MCU: variants seen among roughly 807,000 people sequenced by gnomAD.
MCU encodes calcium uniporter protein, mitochondrial.
Under a neutral mutation model 45.2 loss-of-function variants are expected in MCU, and 12 were observed. The observed-to-expected ratio is 0.27, with a 90% confidence interval of 0.17 to 0.43. MCU has a LOEUF of 0.43. MCU is among the 20% of genes least tolerant of loss of function. The pLI, the probability that MCU is intolerant of heterozygous loss-of-function variation, is 1.00. For missense variants in MCU, 324 were observed against 436.7 expected (o/e 0.74, Z 2.30); for synonymous variants, 160 against 165.1 (o/e 0.97, Z 0.24).
intron 1 of MCU, among the ~76,000 whole-genome samples, chr10:72,806,214 ATGGCACTATCT>A (rs975979624): frequency 2.0e-5 from 3 of 148,284 alleles, no homozygotes; most frequent in African/African-American, 7.5e-5. Context: ...CTGGAGTGCA[ATGGCACTATCT>A]TGGCTCACCG....
At chr10:72,750,719 C>A (rs1843482112) in intron 1 of MCU, among the ~76,000 whole-genome samples, 1 of 152,202 alleles carries the variant, frequency 6.6e-6, no homozygotes, top group South Asian at 2.1e-4. Context: ...ACCACCTTCA[C>A]AATCAGAATG....
intron 1 of MCU, among the ~76,000 whole-genome samples, chr10:72,806,277 C>T (rs1305760414): frequency 2.0e-5 from 3 of 151,124 alleles, no homozygotes; most frequent in Admixed American, 1.3e-4. Flanking sequence ...CCTGCCTCAT[C>T]CTCCCAAGTA....
At chr10:72,861,837 G>A in intron 4 of MCU, 1 of 288,894 alleles carries the variant, frequency 3.5e-6, no homozygotes, top group South Asian at 2.8e-5. Flanking sequence ...AAAAACCAGA[G>A]TTAATGCAAA....
At chr10:72,698,971 T>G (rs979537949) in intron 1 of MCU, among the ~76,000 whole-genome samples, 1 of 152,168 alleles carries the variant, frequency 6.6e-6, no homozygotes, top group South Asian at 2.1e-4. Context: ...ACTGGGCTAA[T>G]TTTTAAATTT....
intron 1 of MCU, among the ~76,000 whole-genome samples, chr10:72,716,484 C>A (rs1190835864): frequency 6.6e-6 from 1 of 152,116 alleles, no homozygotes; most frequent in East Asian, 1.9e-4. Context: ...TTCATTTATT[C>A]TCTGTCTTTC....
intron 6 of MCU, among the ~76,000 whole-genome samples, chr10:72,883,278 GA>G (rs1845733249): frequency 6.6e-6 from 1 of 152,112 alleles, no homozygotes; most frequent in Non-Finnish European, 1.5e-5. Context: ...TTGGGGTGAT[GA>G]AAATGTTCTA....
intron 1 of MCU, chr10:72,715,094 T>A: frequency 1.1e-6 from 1 of 894,068 alleles, no homozygotes; most frequent in African/African-American, 1.8e-5. Context: ...TTACTTTACT[T>A]TTTTCTATTC....
In MCU at chr10:72,760,304, G is replaced by A. The variant is rs1186049666; in HGVS notation, c.150+68003G>A. On this transcript the variant is annotated intron_variant, in intron 1 of 7. Transcript: ENST00000373053. ...GGGCTCAAGCGATCCTCCCATCTCA[G>A]CCTCTCAAAGTATGGGGATTACAGG... Among the ~76,000 whole-genome samples, 9 of 152,006 alleles carry A rather than the reference G, an allele frequency of 5.9e-5. 1 individual carries two copies. The South Asian group carries it at 6.2e-4, about 11-fold the overall frequency.
At chr10:72,787,723 T>A (rs1385765615) in intron 1 of MCU, among the ~76,000 whole-genome samples, 1 of 151,940 alleles carries the variant, frequency 6.6e-6, no homozygotes, top group Non-Finnish European at 1.5e-5. Context: ...TTTTTTGTTT[T>A]TTGTTTTTTT....
At chr10:72,828,584 C>A (rs1653390528) in intron 1 of MCU, among the ~76,000 whole-genome samples, 4 of 152,020 alleles carry the variant, frequency 2.6e-5, no homozygotes, top group African/African-American at 9.7e-5. Context: ...ATTTGACAAT[C>A]CTCCCAAGTT....
chr10:72,729,792 G>C (rs934860166), intron 1 of MCU, among the ~76,000 whole-genome samples: 15 of 151,990 alleles, frequency 9.9e-5, no homozygotes, highest in African/African-American at 2.9e-4. Context: ...AGGCTCTCTC[G>C]TGCATTGTAA....
At chr10:72,705,991 A>AT (rs1167296661) in intron 1 of MCU, among the ~76,000 whole-genome samples, 2 of 152,096 alleles carry the variant, frequency 1.3e-5, no homozygotes, top group African/African-American at 4.8e-5. Context: ...TCAAAAAAAA[A>AT]GGGGGTATAT....
At chr10:72,839,469 A>G (rs1455810375) in intron 2 of MCU, among the ~76,000 whole-genome samples, 1 of 152,092 alleles carries the variant, frequency 6.6e-6, no homozygotes, top group Non-Finnish European at 1.5e-5. Context: ...GACTCATACA[A>G]TATGTAGTCT....
chr10:72,839,872 G>C lies in MCU; in HGVS notation c.220+5444G>C, dbSNP rs576147326. 2.5e-3 allele frequency among the ~76,000 whole-genome samples: 375 copies of C among 151,616 alleles called. 2 individuals are homozygous for C. The highest frequency in any genetic ancestry group is 8.8e-3 in the African/African-American group (363 of 41,360). On this transcript the variant is annotated intron_variant, in intron 2 of 7. Transcript: ENST00000373053. The stretch of plus-strand genomic sequence containing the variant: ...CCAACTACTCAGGAGGCTGAGGCTG[G>C]GGAATGGCGTGAACCCAGGAGGCGG...
chr10:72,865,933 T>C (rs1049350587), intron 4 of MCU, among the ~76,000 whole-genome samples: 20 of 151,764 alleles, frequency 1.3e-4, no homozygotes, highest in Admixed American at 6.6e-4. Context: ...CCTGCCACCA[T>C]GCCTGGCTAA....
chr10:72,849,295 A>T (rs2132854802), intron 2 of MCU, among the ~76,000 whole-genome samples: 1 of 141,182 alleles, frequency 7.1e-6, no homozygotes, highest in Non-Finnish European at 1.6e-5. Flanking sequence ...AAAAAAAAAA[A>T]TCGAATGAAA....
At chr10:72,881,663 A>C (rs928091356) in intron 6 of MCU, among the ~76,000 whole-genome samples, 3 of 152,222 alleles carry the variant, frequency 2.0e-5, no homozygotes, top group Non-Finnish European at 2.9e-5. Context: ...AAATTCTACA[A>C]ATCAGTAAGA....
chr10:72,692,952 C>T, intron 1 of MCU: 20 of 1,531,424 alleles, frequency 1.3e-5, no homozygotes, highest in Admixed American at 4.0e-5. Flanking sequence ...CAAGCTTCAT[C>T]CTCTTGGGTC....
At position 72,693,353 on chromosome 10, in the gene MCU, A is replaced by G. The variant is rs555703585; in HGVS notation, c.150+1052A>G. Among the ~76,000 whole-genome samples the G allele has an allele frequency of 7.2e-5, 11 of 152,304 alleles. 1 individual carries two copies. In the South Asian group the frequency reaches 2.3e-3, roughly 32 times the overall value. Reference sequence around the variant, plus strand: ...TGGTCTCTGGCCAGCTCTGAGGGAAAGAATGTAGGTTTTATTTGCTGGGGC... The same window carrying G: ...TGGTCTCTGGCCAGCTCTGAGGGAAGGAATGTAGGTTTTATTTGCTGGGGC... On this transcript the variant is annotated intron_variant, in intron 1 of 7. Coordinates refer to ENST00000373053, the MANE Select transcript of MCU (RefSeq NM_138357.3).
Sources: allele counts gnomAD v4.1 joint callset (sites outside exome capture counted in the v4.1 genomes callset), GRCh38; gene constraint gnomAD v4.1.1; transcripts MANE v1.5; gene names NCBI Gene and HGNC (gene_info 2026-07-23, HGNC 2026-07-21).